The following CNTNAP4 variants were observed in gnomAD, a reference collection of about 807,000 sequenced individuals.
CNTNAP4 encodes contactin associated protein family member 4.
In CNTNAP4, 98 loss-of-function variants were observed where a neutral mutation model predicts 148.4. The ratio of observed to expected loss-of-function variants is 0.66; its 90% CI spans 0.56 to 0.78. The LOEUF is 0.78. Among genes scored for constraint, CNTNAP4 ranks in the 30% least tolerant of loss-of-function variants. CNTNAP4 has a pLI of 0.00. For missense variants in CNTNAP4, 1,935 were observed against 1,565.6 expected, an observed-to-expected ratio of 1.24 and a Z score of -3.98; for synonymous variants, 730 against 565.1, an observed-to-expected ratio of 1.29 and a Z score of -4.14.
chr16:76,424,335 G>A (rs1202081193), intron 3 of CNTNAP4, among the ~76,000 whole-genome samples: 1 of 152,112 alleles, frequency 6.6e-6, no homozygotes, highest in Non-Finnish European at 1.5e-5. Context: ...CACTCTGCAA[G>A]AAATTATAAT....
chr16:76,554,081 T>C (rs941987492), intron 23 of CNTNAP4, among the ~76,000 whole-genome samples, 174 bp downstream of exon 23: 6 of 152,252 alleles, frequency 3.9e-5, no homozygotes, highest in African/African-American at 1.4e-4. Context: ...AGAATCTTTC[T>C]GAATTCTCTG....
At chr16:76,514,960 T>A (rs1473508396) in intron 15 of CNTNAP4, among the ~76,000 whole-genome samples, 2 of 152,196 alleles carry the variant, frequency 1.3e-5, no homozygotes, top group Non-Finnish European at 2.9e-5. Context: ...GCATTTTTAC[T>A]TTTAAGAAAA....
At chr16:76,516,585 C>G (rs6564346) in intron 15 of CNTNAP4, among the ~76,000 whole-genome samples, 1 of 152,046 alleles carries the variant, frequency 6.6e-6, no homozygotes, top group African/African-American at 2.4e-5. Context: ...TGGCAACTTA[C>G]GTTCACAAAA....
At chr16:76,501,262 T>C (rs2082630638) in intron 15 of CNTNAP4, among the ~76,000 whole-genome samples, 1 of 151,820 alleles carries the variant, frequency 6.6e-6, no homozygotes, top group Admixed American at 6.6e-5. Flanking sequence ...TCCAGGAGAG[T>C]GTAACGATTT....
At chr16:76,354,576 A>G (rs1468088798) in intron 2 of CNTNAP4, among the ~76,000 whole-genome samples, 1 of 152,128 alleles carries the variant, frequency 6.6e-6, no homozygotes, top group Non-Finnish European at 1.5e-5. Context: ...CAGAGTTTGC[A>G]GTTTCCGTGG....
intron 22 of CNTNAP4, 23 bp from the exon 23 acceptor site, chr16:76,553,813 C>A: frequency 6.5e-7 from 1 of 1,546,580 alleles, no homozygotes; most frequent in South Asian, 1.1e-5. Context: ...TCACCTTCCC[C>A]CTTTGTTGTG....
chr16:76,288,536 C>A (rs905114427), intron 1 of CNTNAP4, among the ~76,000 whole-genome samples: 2 of 152,196 alleles, frequency 1.3e-5, no homozygotes, highest in African/African-American at 4.8e-5. Context: ...TCCATGGAGT[C>A]TCACCACCTC....
At chr16:76,437,146 A>G (rs2079861958) in intron 4 of CNTNAP4, among the ~76,000 whole-genome samples, 1 of 151,840 alleles carries the variant, frequency 6.6e-6, no homozygotes. Flanking sequence ...CATGGGAGGA[A>G]GATGTAGGCG....
chr16:76,432,071 G>A (rs545500139), intron 4 of CNTNAP4, among the ~76,000 whole-genome samples: 2 of 152,138 alleles, frequency 1.3e-5, no homozygotes, highest in South Asian at 4.1e-4. Flanking sequence ...AATAACAAAT[G>A]CGTGAAGTGC....
At chr16:76,497,935 G>A (rs1279205284) in intron 14 of CNTNAP4, among the ~76,000 whole-genome samples, 1 of 152,100 alleles carries the variant, frequency 6.6e-6, no homozygotes, top group African/African-American at 2.4e-5. Context: ...ACCTCAAACT[G>A]CAGTATCAAT....
intron 2 of CNTNAP4, among the ~76,000 whole-genome samples, chr16:76,323,303 T>A (rs968871653): frequency 2.0e-5 from 3 of 152,122 alleles, no homozygotes; most frequent in African/African-American, 7.2e-5. Flanking sequence ...TTTTACCTTT[T>A]TTTTTTCCTC....
intron 1 of CNTNAP4, among the ~76,000 whole-genome samples, chr16:76,291,355 AC>A (rs1959107618): frequency 6.6e-6 from 1 of 152,174 alleles, no homozygotes; most frequent in Non-Finnish European, 1.5e-5. Flanking sequence ...TCCATCAGCC[AC>A]CACTGCCTGG....
At chr16:76,426,234 G>T (rs1455961442) in intron 3 of CNTNAP4, among the ~76,000 whole-genome samples, 1 of 152,114 alleles carries the variant, frequency 6.6e-6, no homozygotes, top group Non-Finnish European at 1.5e-5. Context: ...AAATGTTTTG[G>T]TAAATGATAG....
chr16:76,499,099 G>C lies in CNTNAP4; in HGVS notation c.2365+405G>C, dbSNP rs577871064. Among the ~76,000 whole-genome samples the C allele has an allele frequency of 2.2e-3, 293 of 134,884 alleles. 2 individuals are homozygous for C. The highest frequency in any genetic ancestry group is 7.6e-3 in the African/African-American group (268 of 35,404). The allele number at this position is 134,884 out of a possible 152,430, so 88.5% of individuals were successfully genotyped here. On this transcript the variant is annotated intron_variant, in intron 15 of 23. Coordinates refer to ENST00000611870, the MANE Select transcript of CNTNAP4 (RefSeq NM_033401.5). ...TTTTTTTTTTTTGAGACAGAGTCTC[G>C]CTCTGTTGCTCAGGCTGGAGTGCAG...
Position 76,442,709 on chromosome 16 carries a change from A to T in CNTNAP4, c.539-5303A>T, listed in dbSNP as rs2080091155. Among the ~76,000 whole-genome samples, 3 of 152,160 alleles carry T rather than the reference A, an allele frequency of 2.0e-5. No individual in the cohort carries two copies. The South Asian group carries it at 6.2e-4, about 32-fold the overall frequency. On this transcript the variant is annotated intron_variant, in intron 4 of 23. Transcript: ENST00000611870. ...ACTAATCAGTCTCATGAGAGAAGGG[A>T]TTCACTCACTACCCTGAGAACAGCC... is the stretch of plus-strand genomic sequence containing the variant.
At chr16:76,362,198 G>A (rs747330731) in intron 3 of CNTNAP4, among the ~76,000 whole-genome samples, 10 of 151,942 alleles carry the variant, frequency 6.6e-5, no homozygotes, top group Non-Finnish European at 8.8e-5. Flanking sequence ...CTTTACCATG[G>A]GAACAAAAGA....
intron 12 of CNTNAP4, among the ~76,000 whole-genome samples, chr16:76,485,828 A>G (rs763710509): frequency 6.6e-6 from 1 of 152,214 alleles, no homozygotes; most frequent in Non-Finnish European, 1.5e-5. Context: ...ATAACTGTCC[A>G]TTATTCAAAT....
At chr16:76,497,936 C>T (rs1030957394) in intron 14 of CNTNAP4, among the ~76,000 whole-genome samples, 4 of 152,102 alleles carry the variant, frequency 2.6e-5, no homozygotes, top group African/African-American at 9.7e-5. Context: ...CCTCAAACTG[C>T]AGTATCAATC....
At chr16:76,537,877 C>T (rs2084278580) in intron 18 of CNTNAP4, among the ~76,000 whole-genome samples, 1 of 152,044 alleles carries the variant, frequency 6.6e-6, no homozygotes, top group Non-Finnish European at 1.5e-5. Context: ...GATAAGAAAG[C>T]ATTTAACTTT....
Sources: allele counts gnomAD v4.1 joint callset (sites outside exome capture counted in the v4.1 genomes callset), GRCh38; gene constraint gnomAD v4.1.1; transcripts MANE v1.5; gene names NCBI Gene and HGNC (gene_info 2026-07-23, HGNC 2026-07-21).